ERBIN: variants seen among roughly 807,000 people sequenced by gnomAD.
ERBIN encodes densin-180-like protein.
In ERBIN, 60 loss-of-function variants were observed where a neutral mutation model predicts 158.4. That is an observed-to-expected ratio of 0.38 (90% confidence interval 0.31 to 0.47). The LOEUF is 0.47. ERBIN is among the 20% of genes least tolerant of loss of function. ERBIN has a pLI of 0.99. For missense variants in ERBIN, 1,610 were observed against 1,648.0 expected, an observed-to-expected ratio of 0.98 and a Z score of 0.40; for synonymous variants, 594 against 557.2, an observed-to-expected ratio of 1.07 and a Z score of -0.93.
intron 21 of ERBIN, among the ~76,000 whole-genome samples, chr5:66,061,053 T>C (rs915300882): frequency 9.9e-5 from 15 of 152,206 alleles, no homozygotes; most frequent in African/African-American, 3.4e-4. Flanking sequence ...TGTAGATGTC[T>C]GTTAGGTCTG....
At chr5:66,076,211 G>A in intron 23 of ERBIN, 105 bp from the exon 24 acceptor site, 4 of 786,104 alleles carry the variant, frequency 5.1e-6, no homozygotes, top group South Asian at 4.9e-5. Flanking sequence ...GAATTCTTAT[G>A]TTTATGTTTG....
At chr5:66,024,576 T>C (rs1479474942) in intron 10 of ERBIN, 126 bp downstream of exon 10, 39 of 920,308 alleles carry the variant, frequency 4.2e-5, no homozygotes, top group Non-Finnish European at 5.7e-5. Context: ...TTTATTTGAA[T>C]TTTTCCTGGT....
intron 18 of ERBIN, among the ~76,000 whole-genome samples, chr5:66,047,979 G>A (rs1580457738): frequency 6.6e-6 from 1 of 151,886 alleles, no homozygotes; most frequent in African/African-American, 2.4e-5. Flanking sequence ...TGTACTAAGT[G>A]TTAAAGAAAT....
chr5:66,041,909 A>G (rs1304189717), intron 15 of ERBIN, among the ~76,000 whole-genome samples: 2 of 152,166 alleles, frequency 1.3e-5, no homozygotes. Context: ...GTGTTAAGCA[A>G]TTTAAAAAAG....
chr5:65,937,441 A>C (rs926070573), intron 1 of ERBIN, among the ~76,000 whole-genome samples: 1 of 152,010 alleles, frequency 6.6e-6, no homozygotes, highest in Non-Finnish European at 1.5e-5. Context: ...ATCCCCAAAT[A>C]TGTTTATACT....
intron 4 of ERBIN, among the ~76,000 whole-genome samples, chr5:66,001,452 G>C (rs983569961): frequency 6.6e-6 from 1 of 152,064 alleles, no homozygotes; most frequent in African/African-American, 2.4e-5. Context: ...GATAGTTTCT[G>C]ATTTTTTATG....
intron 1 of ERBIN, among the ~76,000 whole-genome samples, chr5:65,965,214 G>T (rs1451986263): frequency 1.6e-5 from 2 of 128,374 alleles, no homozygotes; most frequent in Non-Finnish European, 3.5e-5. Flanking sequence ...TGGGTACTTG[G>T]TCTGTTTGGG....
intron 4 of ERBIN, among the ~76,000 whole-genome samples, chr5:66,010,151 C>T (rs1754054104): frequency 6.6e-6 from 1 of 152,140 alleles, no homozygotes; most frequent in Non-Finnish European, 1.5e-5. Context: ...GTCTTCCTCT[C>T]ATTACTTCCT....
chr5:66,025,529 G>T lies in ERBIN; in HGVS notation c.867G>T (p.Met289Ile). 1 of 1,612,286 alleles carries T rather than the reference G, an allele frequency of 6.2e-7. No individual in the cohort carries two copies. The highest frequency in any genetic ancestry group is 8.5e-7 in the Non-Finnish European group (1 of 1,178,674). ...TTAAAATAGATGAAAACCAGTTAAT[G>T]TATCTGCCAGACTCTATAGGAGGGT... ...TTLKIDENQL[M>I]YLPDSIGGLI... Residue 289 changes from methionine to isoleucine, a missense_variant, in exon 11 of 26, where the codon ATG becomes ATT. Transcript: ENST00000284037.
In ERBIN at chr5:66,081,055, T is replaced by C. The variant is rs1254001065; in HGVS notation, c.*2525T>C. On this transcript the variant is annotated 3_prime_UTR_variant, in exon 26 of 26. Coordinates refer to ENST00000284037, the MANE Select transcript of ERBIN (RefSeq NM_001253697.2). The stretch of plus-strand genomic sequence containing the variant: ...GAAGACATTTTTAGTTTATATATTG[T>C]TGAGTAAATTGTAGTTAAGGCCTAT... 6.6e-6 allele frequency: 1 copy of C among 151,998 alleles called. No individual in the cohort carries two copies. Among genetic ancestry groups the C allele is most frequent in the African/African-American group, 2.4e-5 (1 of 41,456 alleles). The allele number at this position is 151,998 out of a possible 1,614,324, so 9.4% of individuals were successfully genotyped here. A position where few individuals can be genotyped will look rare whatever the true frequency, so the allele number is the denominator to read the frequency against.
chr5:66,043,046 T>A, intron 15 of ERBIN, 31 bp from the exon 16 acceptor site: 1 of 1,483,390 alleles, frequency 6.7e-7, no homozygotes, highest in Non-Finnish European at 9.3e-7. Flanking sequence ...CAGTAAAATA[T>A]AGTAGGTTTT....
At chr5:65,932,386 T>C (rs1743550458) in intron 1 of ERBIN, among the ~76,000 whole-genome samples, 1 of 151,698 alleles carries the variant, frequency 6.6e-6, no homozygotes, top group African/African-American at 2.4e-5. Context: ...GTAGTGGTAC[T>C]ATTGCAGCTT....
intron 4 of ERBIN, among the ~76,000 whole-genome samples, chr5:65,998,153 A>G (rs1237886382): frequency 6.6e-6 from 1 of 151,790 alleles, no homozygotes; most frequent in Non-Finnish European, 1.5e-5. Context: ...CTTGAACCCC[A>G]GGAGATGGAG....
At chr5:65,944,693 A>T (rs943206883) in intron 1 of ERBIN, among the ~76,000 whole-genome samples, 1 of 152,122 alleles carries the variant, frequency 6.6e-6, no homozygotes, top group East Asian at 1.9e-4. Flanking sequence ...GAGCCACTAT[A>T]CCTGGCCTTA....
chr5:65,933,889 G>A (rs142820717), intron 1 of ERBIN, among the ~76,000 whole-genome samples: 8 of 152,026 alleles, frequency 5.3e-5, no homozygotes, highest in Non-Finnish European at 1.0e-4. Flanking sequence ...ATGATGCCCT[G>A]TCGTCATCCC....
chr5:66,033,777 G>A lies in ERBIN; in HGVS notation c.1207-4606G>A, dbSNP rs552145072. ...GGGATCCTTTAATATTGCAGAGCATGTTTACAGGTTGTTGGAAAGAAGCTG... is the reference window on the plus strand; with the variant it reads ...GGGATCCTTTAATATTGCAGAGCATATTTACAGGTTGTTGGAAAGAAGCTG... On this transcript the variant is annotated intron_variant, in intron 14 of 25. Transcript: ENST00000284037. Among the ~76,000 whole-genome samples, 4 of 152,248 alleles carry A rather than the reference G, an allele frequency of 2.6e-5. No homozygotes were observed. In the East Asian group the frequency reaches 7.7e-4, roughly 29 times the overall value.
At chr5:66,015,733 A>T (rs571295989) in intron 7 of ERBIN, among the ~76,000 whole-genome samples, 1 of 152,170 alleles carries the variant, frequency 6.6e-6, no homozygotes, top group Non-Finnish European at 1.5e-5. Context: ...GCTACTCTGG[A>T]GGCTGAGGAG....
intron 1 of ERBIN, among the ~76,000 whole-genome samples, chr5:65,953,883 G>A (rs1049552815): frequency 2.0e-5 from 3 of 151,992 alleles, no homozygotes; most frequent in Non-Finnish European, 2.9e-5. Flanking sequence ...CATTAATTTC[G>A]ACATTCTTTT....
At chr5:65,932,488 G>A (rs1298819225) in intron 1 of ERBIN, among the ~76,000 whole-genome samples, 1 of 152,110 alleles carries the variant, frequency 6.6e-6, no homozygotes, top group African/African-American at 2.4e-5. Context: ...ATGGAAAAGG[G>A]AAAAATGACA....
Sources: gnomAD v4.1 joint callset for allele counts (sites outside exome capture counted in the v4.1 genomes callset) on GRCh38, gnomAD v4.1.1 for gene constraint, MANE v1.5 for transcripts, NCBI Gene and HGNC (gene_info 2026-07-23, HGNC 2026-07-21) for gene names.